The following DENND4C variants were observed in gnomAD, a reference collection of about 807,000 sequenced individuals.
The protein encoded by DENND4C is DENN domain containing 4C.
A neutral mutation model predicts 203.0 loss-of-function variants in DENND4C; 108 were observed. The observed-to-expected ratio is 0.53, with a 90% CI of 0.46 to 0.62. The LOEUF is 0.62. Ranked by LOEUF, DENND4C falls within the 20% of genes least tolerant of loss-of-function variation. The pLI, the probability that DENND4C is intolerant of heterozygous loss-of-function variation, is 0.00. For synonymous variants in DENND4C, 871 were observed against 792.4 expected, an observed-to-expected ratio of 1.10 and a Z score of -1.67; for missense variants, 2,481 against 2,301.2, an observed-to-expected ratio of 1.08 and a Z score of -1.60.
chr9:19,309,679 C>G (rs117613795), intron 10 of DENND4C, among the ~76,000 whole-genome samples: 2,487 of 151,224 alleles, frequency 0.016, 43 homozygotes, highest in Non-Finnish European at 0.019. Context: ...TTAATACCAT[C>G]TTATTAAGCT....
intron 16 of DENND4C, 52 bp from the exon 17 acceptor site, chr9:19,331,926 C>T (rs1033074054): frequency 8.0e-6 from 12 of 1,492,534 alleles, no homozygotes; most frequent in African/African-American, 2.8e-5. Context: ...TCACTTCTCC[C>T]CTCACCCTAA....
intron 2 of DENND4C, among the ~76,000 whole-genome samples, chr9:19,282,200 A>T (rs959357987): frequency 6.6e-6 from 1 of 151,958 alleles, no homozygotes; most frequent in East Asian, 1.9e-4. Flanking sequence ...CTTTCTTTAA[A>T]TCCTTATTTT....
intron 10 of DENND4C, among the ~76,000 whole-genome samples, chr9:19,307,817 A>T (rs1036007672): frequency 1.3e-5 from 2 of 151,514 alleles, no homozygotes; most frequent in Admixed American, 6.6e-5. Flanking sequence ...TGAAATCCCT[A>T]GATAGTCCTC....
intron 6 of DENND4C, among the ~76,000 whole-genome samples, chr9:19,296,580 C>G (rs565799781): frequency 2.5e-4 from 38 of 152,220 alleles, no homozygotes; most frequent in Middle Eastern, 3.4e-3. Context: ...GTCTTGAACT[C>G]CTGACCTCAT....
intron 1 of DENND4C, among the ~76,000 whole-genome samples, chr9:19,254,153 C>A (rs1327460198): frequency 2.0e-5 from 3 of 152,022 alleles, no homozygotes; most frequent in Non-Finnish European, 4.4e-5. Flanking sequence ...TAAATTGGAA[C>A]AGCCATTATG....
intron 11 of DENND4C, 50 bp from the exon 12 acceptor site, chr9:19,316,571 C>A: frequency 3.1e-6 from 5 of 1,602,210 alleles, no homozygotes; most frequent in Non-Finnish European, 3.4e-6. Context: ...CGAGAAAATT[C>A]TTCTTAAATT....
chr9:19,366,138 T>G (rs764147938), intron 30 of DENND4C, among the ~76,000 whole-genome samples: 1 of 152,196 alleles, frequency 6.6e-6, no homozygotes, highest in Non-Finnish European at 1.5e-5. Flanking sequence ...AACAGTGTTA[T>G]AGGACTCACA....
chr9:19,332,275 C>A, intron 17 of DENND4C, 91 bp downstream of exon 17: 2 of 994,266 alleles, frequency 2.0e-6, no homozygotes, highest in Non-Finnish European at 3.1e-6. Context: ...AAAGTGTGCT[C>A]AAGCATTTTC....
chr9:19,331,455 C>A (rs1263988732), intron 16 of DENND4C, among the ~76,000 whole-genome samples: 2 of 152,088 alleles, frequency 1.3e-5, no homozygotes, highest in Non-Finnish European at 2.9e-5. Flanking sequence ...TCTGCCTTGG[C>A]CTCCCAAAGT....
At chr9:19,339,258 C>G (rs7026853) in intron 20 of DENND4C, among the ~76,000 whole-genome samples, 12 of 152,158 alleles carry the variant, frequency 7.9e-5, no homozygotes, top group African/African-American at 2.9e-4. Context: ...TTCAGGAAAA[C>G]ATTGATATAC....
chr9:19,319,381 C>CATATATATACATATATATATACACACAT (rs1842459788), intron 12 of DENND4C, among the ~76,000 whole-genome samples: 1 of 135,300 alleles, frequency 7.4e-6, no homozygotes, highest in African/African-American at 3.0e-5. Flanking sequence ...TATACACATA[C>CATATATATACATATATATATACACACAT]ATATATATAT....
chr9:19,302,152 C>A (rs1173554943), intron 9 of DENND4C, among the ~76,000 whole-genome samples: 1 of 152,046 alleles, frequency 6.6e-6, no homozygotes, highest in Non-Finnish European at 1.5e-5. Flanking sequence ...GAATTGCATG[C>A]AAAATTATTT....
chr9:19,276,315 C>A lies in DENND4C; in HGVS notation c.141C>A (p.Ala47=). 8.1e-7 allele frequency: 1 copy of A among 1,232,050 alleles called. No individual in the cohort carries two copies. Among genetic ancestry groups the A allele is most frequent in the East Asian group, 3.2e-5 (1 of 31,694 alleles). The allele number at this position is 1,232,050 out of a possible 1,614,324, so 76.3% of individuals were successfully genotyped here. A position where few individuals can be genotyped will look rare whatever the true frequency, so the allele number is the denominator to read the frequency against. Reference sequence around the variant, plus strand: ...CTAAAGCTCCAATTACAGACATTGCCATTATTATCAAATCAGCTGGAGAAA... The same window carrying A: ...CTAAAGCTCCAATTACAGACATTGCAATTATTATCAAATCAGCTGGAGAAA... ...TGPKAPITDI[A]IIIKSAGETV... is the part of the protein sequence containing the mutation. Residue 47 remains alanine (A), a synonymous_variant, in exon 2 of 33, where the codon GCC becomes GCA. Transcript: ENST00000434457.
rs1829117748 is a variant in DENND4C at position 19,373,123 on chromosome 9, C to T, written c.*950C>T. Reference sequence around the variant, plus strand: ...CCCTAACTTTAATGTATTAGGTTGGCACAAAATTAATTGTAGTTTTTGCCA... The same window carrying T: ...CCCTAACTTTAATGTATTAGGTTGGTACAAAATTAATTGTAGTTTTTGCCA... On this transcript the variant is annotated 3_prime_UTR_variant, in exon 33 of 33. Coordinates refer to ENST00000434457, the MANE Select transcript of DENND4C (RefSeq NM_001330640.2). The T allele has an allele frequency of 6.6e-6, 1 of 152,056 alleles. No individual in the cohort carries two copies. Among genetic ancestry groups the T allele is most frequent in the Admixed American group, 6.6e-5 (1 of 15,262 alleles). 9.4% of individuals were successfully genotyped at this position (152,056 alleles called of 1,614,324 possible). A position where few individuals can be genotyped will look rare whatever the true frequency, so the allele number is the denominator to read the frequency against.
chr9:19,328,109 A>G lies in DENND4C; in HGVS notation c.2200A>G (p.Thr734Ala), dbSNP rs780437786. ...ELKLCFSRHP[T>A]GNSITKSPPL... ...GAAACTTTGTTTTAGTAGACACCCT[A>G]CTGGGAATAGCATTACAAAGAGTCC... is the stretch of plus-strand genomic sequence containing the variant. Residue 734 changes from threonine to alanine, a missense_variant, in exon 16 of 33, where the codon ACT becomes GCT. Thr to Ala is a moderately conservative substitution (Grantham distance 58). Transcript: ENST00000434457. The G allele has an allele frequency of 6.2e-7, 1 of 1,613,764 alleles. No individual in the cohort carries two copies. Among genetic ancestry groups the G allele is most frequent in the Admixed American group, 1.7e-5 (1 of 59,990 alleles).
intron 1 of DENND4C, among the ~76,000 whole-genome samples, chr9:19,270,932 T>G (rs1358003923): frequency 6.6e-6 from 1 of 152,186 alleles, no homozygotes; most frequent in East Asian, 1.9e-4. Flanking sequence ...TTCTATATAG[T>G]AGCAATGAAT....
intron 2 of DENND4C, among the ~76,000 whole-genome samples, chr9:19,280,098 C>T (rs561302222): frequency 5.4e-5 from 8 of 148,666 alleles, no homozygotes; most frequent in African/African-American, 1.2e-4. Flanking sequence ...TTGAAGGGGC[C>T]GGCCTGCCTG....
At position 19,329,233 on chromosome 9, in the gene DENND4C, CA is replaced by C. The variant is rs150566705; in HGVS notation, c.2253+1072del. ...GCCATTAACCCCAATTCTCAATCCC[CA>C]GCAGCCCTAGGCAACCACAAGTCTG... On this transcript the variant is annotated intron_variant, in intron 16 of 32. Transcript: ENST00000434457. 7.4e-3 allele frequency among the ~76,000 whole-genome samples: 1,122 copies of C among 152,230 alleles called. 17 individuals are homozygous for C. The highest frequency in any genetic ancestry group is 0.026 in the African/African-American group (1,085 of 41,518).
At chr9:19,271,146 A>C (rs1334383905) in intron 1 of DENND4C, among the ~76,000 whole-genome samples, 1 of 152,008 alleles carries the variant, frequency 6.6e-6, no homozygotes, top group Non-Finnish European at 1.5e-5. Context: ...TATTTAATGC[A>C]GTCCTAATTA....
Sources: allele counts gnomAD v4.1 joint callset (sites outside exome capture counted in the v4.1 genomes callset), GRCh38; gene constraint gnomAD v4.1.1; transcripts MANE v1.5; gene names NCBI Gene and HGNC (gene_info 2026-07-23, HGNC 2026-07-21).